DSCAM: variants seen among roughly 807,000 people sequenced by gnomAD.
The protein encoded by DSCAM is cell adhesion molecule DSCAM.
DSCAM carries 47 observed loss-of-function variants against 217.7 expected under a neutral mutation model. The ratio of observed to expected loss-of-function variants is 0.22; its 90% CI spans 0.17 to 0.28. DSCAM has a LOEUF of 0.28. Ranked by LOEUF, DSCAM falls within the 10% of genes least tolerant of loss-of-function variation. The pLI is 1.00. For missense variants in DSCAM, 2,080 were observed against 2,618.3 expected, an observed-to-expected ratio of 0.79 and a Z score of 4.49; for synonymous variants, 1,056 against 1,015.3, an observed-to-expected ratio of 1.04 and a Z score of -0.76.
rs551213265 is a variant in DSCAM at position 40,371,109 on chromosome 21, A to G, written c.509-1864T>C. ...ATAAAATATCTTTAAAGTAATATCT[A>G]TATTAACTTTCCAAACAATTCCAGT... On this transcript the variant is annotated intron_variant, in intron 3 of 32. Coordinates refer to ENST00000400454, the MANE Select transcript of DSCAM (RefSeq NM_001389.5). Among the ~76,000 whole-genome samples, 247 of 152,346 alleles carry G rather than the reference A, an allele frequency of 1.6e-3. 2 individuals carry two copies. Among genetic ancestry groups the G allele is most frequent in the African/African-American group, 4.8e-3 (200 of 41,588 alleles).
intron 8 of DSCAM, among the ~76,000 whole-genome samples, chr21:40,315,037 T>A (rs907305043): frequency 2.6e-5 from 4 of 152,142 alleles, no homozygotes; most frequent in Non-Finnish European, 5.9e-5. Context: ...GGAGAAGGAA[T>A]ACGTGAGGAT....
chr21:40,276,307 C>G (rs769059261), intron 10 of DSCAM, 37 bp from the exon 11 acceptor site: 41 of 1,551,608 alleles, frequency 2.6e-5, no homozygotes, highest in South Asian at 5.0e-5. Flanking sequence ...ATGATGCAAA[C>G]GAGAGTAAGT....
In DSCAM at chr21:40,734,793, G is replaced by C. The variant is rs115085758; in HGVS notation, c.44-26022C>G. Among the ~76,000 whole-genome samples the C allele has an allele frequency of 3.3e-3, 499 of 152,234 alleles. 3 individuals carry two copies. Among genetic ancestry groups the C allele is most frequent in the African/African-American group, 0.011 (475 of 41,532 alleles). On this transcript the variant is annotated intron_variant, in intron 1 of 32. Coordinates refer to ENST00000400454, the MANE Select transcript of DSCAM (RefSeq NM_001389.5). ...AATGTTGTATGAAAATGTAGACTCT[G>C]AGGGTTGTTTTCCTGCTTGTTTAAT... is the stretch of plus-strand genomic sequence containing the variant.
chr21:40,564,584 G>A (rs1297491724), intron 3 of DSCAM, among the ~76,000 whole-genome samples: 3 of 152,082 alleles, frequency 2.0e-5, no homozygotes, highest in Non-Finnish European at 4.4e-5. Flanking sequence ...CCTGGATCCT[G>A]CCAACCCTGC....
In DSCAM at chr21:40,630,969, G is replaced by A. The variant is rs549676788; in HGVS notation, c.508+61841C>T. On this transcript the variant is annotated intron_variant, in intron 3 of 32. Transcript: ENST00000400454. ...GGAGAGAAAGACTCTGGGGGTTGGA[G>A]CATCTGTCATCAATCTGGATAATAA... is the stretch of plus-strand genomic sequence containing the variant. 8.5e-5 allele frequency among the ~76,000 whole-genome samples: 13 copies of A among 152,270 alleles called. No individual in the cohort carries two copies. In the South Asian group the frequency reaches 2.1e-3, roughly 24 times the overall value.
chr21:40,210,701 T>C (rs1315515192), intron 11 of DSCAM, among the ~76,000 whole-genome samples: 1 of 152,168 alleles, frequency 6.6e-6, no homozygotes, highest in Admixed American at 6.5e-5. Context: ...TGTGCCACCA[T>C]GCTTGGCTAA....
At chr21:40,656,975 T>C (rs937858286) in intron 3 of DSCAM, among the ~76,000 whole-genome samples, 1 of 152,250 alleles carries the variant, frequency 6.6e-6, no homozygotes, top group Non-Finnish European at 1.5e-5. Flanking sequence ...TTAATGCAAG[T>C]ATGGGACTTG....
At chr21:40,809,900 C>G (rs1269529111) in intron 1 of DSCAM, among the ~76,000 whole-genome samples, 2 of 152,156 alleles carry the variant, frequency 1.3e-5, no homozygotes. Context: ...GAAAATGAGA[C>G]AAGACATTTA....
chr21:40,329,805 C>T (rs755385451), intron 8 of DSCAM, among the ~76,000 whole-genome samples: 6 of 151,846 alleles, frequency 4.0e-5, no homozygotes, highest in African/African-American at 7.3e-5. Flanking sequence ...AGGCAAATAC[C>T]ACATCATCTA....
intron 11 of DSCAM, among the ~76,000 whole-genome samples, chr21:40,211,354 A>G (rs1480314758): frequency 6.6e-6 from 1 of 152,218 alleles, no homozygotes; most frequent in African/African-American, 2.4e-5. Context: ...ATATTTTTAT[A>G]TAACTTTTTG....
At chr21:40,837,725 T>C (rs1185360269) in intron 1 of DSCAM, among the ~76,000 whole-genome samples, 1 of 152,214 alleles carries the variant, frequency 6.6e-6, no homozygotes, top group East Asian at 1.9e-4. Flanking sequence ...GTGACTAGCC[T>C]TTGCAGGAAC....
chr21:40,692,819 G>C lies in DSCAM; in HGVS notation c.499C>G (p.Leu167Val). The change falls in exon 3 of 33, where the codon CTT becomes GTT. Residue 167 changes from leucine (L) to valine (V), a missense_variant. Around this residue, in one of 5 missense-constraint regions of DSCAM, gnomAD observed 568 missense variants for 678.1 expected, o/e 0.84. Coordinates refer to ENST00000400454, the MANE Select transcript of DSCAM (RefSeq NM_001389.5). ...VVSWEKDTVSLVSGSRFLITS... is the reference protein window; with the variant it reads ...VVSWEKDTVSVVSGSRFLITS... The stretch of plus-strand genomic sequence containing the variant: ...GAGACGCAAAGCCTACCTGAGACAA[G>C]TGAAACAGTGTCTTTCTCCCATGAG... 6.2e-7 allele frequency: 1 copy of C among 1,612,742 alleles called. No homozygotes were observed. Among genetic ancestry groups the C allele is most frequent in the East Asian group, 2.2e-5 (1 of 44,816 alleles).
chr21:40,360,804 A>T (rs1745160391), intron 4 of DSCAM, among the ~76,000 whole-genome samples: 1 of 152,102 alleles, frequency 6.6e-6, no homozygotes, highest in Admixed American at 6.5e-5. Flanking sequence ...TGGAAGAATG[A>T]TTTATTTTCT....
chr21:40,364,508 T>TCACACAC (rs2074806207), intron 4 of DSCAM, among the ~76,000 whole-genome samples: 1 of 116,114 alleles, frequency 8.6e-6, no homozygotes, highest in African/African-American at 3.1e-5. Context: ...AAGGGGAACA[T>TCACACAC]CACACACCGG....
chr21:40,819,475 G>A (rs185124263), intron 1 of DSCAM, among the ~76,000 whole-genome samples: 7 of 152,228 alleles, frequency 4.6e-5, no homozygotes, highest in East Asian at 1.9e-4. Context: ...TTGTGTATAC[G>A]TTCCCAATTG....
At chr21:40,830,586 GC>G (rs2092004899) in intron 1 of DSCAM, among the ~76,000 whole-genome samples, 1 of 152,178 alleles carries the variant, frequency 6.6e-6, no homozygotes, top group Admixed American at 6.5e-5. Flanking sequence ...GAATTAGACT[GC>G]CCGGGTTCAA....
At chr21:40,769,923 C>T (rs2091429894) in intron 1 of DSCAM, among the ~76,000 whole-genome samples, 1 of 152,140 alleles carries the variant, frequency 6.6e-6, no homozygotes, top group African/African-American at 2.4e-5. Flanking sequence ...CCACTGATCC[C>T]CACCTCACTA....
chr21:40,372,257 TC>T (rs2074906369), intron 3 of DSCAM, among the ~76,000 whole-genome samples: 1 of 152,244 alleles, frequency 6.6e-6, no homozygotes, highest in South Asian at 2.1e-4. Context: ...AATGGTTTGT[TC>T]ATGTCCTTCA....
At chr21:40,719,221 C>T (rs73222414) in intron 1 of DSCAM, among the ~76,000 whole-genome samples, 7,134 of 152,220 alleles carry the variant, frequency 0.047, 228 homozygotes, top group African/African-American at 0.089. Flanking sequence ...TTCAATGCCA[C>T]TGGTCATTAA....
Sources: gnomAD v4.1 joint callset for allele counts (sites outside exome capture counted in the v4.1 genomes callset) on GRCh38, gnomAD v4.1.1 for gene constraint, gnomAD v4.1.1 regional missense constraint, MANE v1.5 for transcripts, NCBI Gene and HGNC (gene_info 2026-07-23, HGNC 2026-07-21) for gene names.